PIK3CA: variants seen among roughly 807,000 people sequenced by gnomAD.
PIK3CA encodes the protein phosphatidylinositol 4,5-bisphosphate 3-kinase catalytic subunit alpha isoform.
Under a neutral mutation model 138.2 loss-of-function variants are expected in PIK3CA, and 27 were observed. The observed-to-expected ratio is 0.20, with a 90% CI of 0.14 to 0.27. The LOEUF is 0.27. Among genes scored for constraint, PIK3CA ranks in the 10% least tolerant of loss-of-function variants. The pLI is 1.00. For synonymous variants in PIK3CA, 358 were observed against 413.2 expected, an observed-to-expected ratio of 0.87 and a Z score of 1.62; for missense variants, 544 against 1,277.4, an observed-to-expected ratio of 0.43 and a Z score of 8.75.
intron 20 of PIK3CA, among the ~76,000 whole-genome samples, chr3:179,232,424 G>C (rs1576949123): frequency 6.6e-6 from 1 of 152,120 alleles, no homozygotes; most frequent in African/African-American, 2.4e-5. Flanking sequence ...GTAAGTTTTT[G>C]GCTTTATTTC....
intron 1 of PIK3CA, among the ~76,000 whole-genome samples, chr3:179,197,214 T>C (rs562849204): frequency 6.6e-6 from 1 of 152,120 alleles, no homozygotes; most frequent in South Asian, 2.1e-4. Context: ...AACTTTTGTA[T>C]TTTTAGTAGA....
At chr3:179,148,878 G>A (rs935329740) in intron 1 of PIK3CA, among the ~76,000 whole-genome samples, 2 of 152,122 alleles carry the variant, frequency 1.3e-5, no homozygotes, top group South Asian at 4.1e-4. Flanking sequence ...CCAGTTTTGG[G>A]GACGGGGCGG....
chr3:179,201,303 G>A lies in PIK3CA; in HGVS notation c.576G>A (p.Val192=), dbSNP rs202158911. The A allele has an allele frequency of 1.2e-6, 2 of 1,612,298 alleles. No individual in the cohort carries two copies. The highest frequency in any genetic ancestry group is 1.1e-5 in the South Asian group (1 of 90,958). ...YNKLDKGQII[V]VIWVIVSPNN... Reference sequence around the variant, plus strand: ...TTCCTGTTATAGGGCAAATAATAGTGGTGATCTGGGTAATAGTTTCTCCAA... The same window carrying A: ...TTCCTGTTATAGGGCAAATAATAGTAGTGATCTGGGTAATAGTTTCTCCAA... The change falls in exon 4 of 21, where the codon GTG becomes GTA. Residue 192 remains valine (V), a synonymous_variant. Coordinates refer to ENST00000263967, the MANE Select transcript of PIK3CA (RefSeq NM_006218.4).
chr3:179,149,544 T>G (rs1722955147), intron 1 of PIK3CA: 2 of 152,160 alleles, frequency 1.3e-5, no homozygotes, highest in South Asian at 4.1e-4. Flanking sequence ...AACAAGAGGG[T>G]CTTTCTAGAA....
chr3:179,151,413 C>T (rs1306695563), intron 1 of PIK3CA, among the ~76,000 whole-genome samples: 1 of 152,192 alleles, frequency 6.6e-6, no homozygotes, highest in East Asian at 1.9e-4. Flanking sequence ...TCTCCATTTC[C>T]TATATTTGCA....
intron 1 of PIK3CA, among the ~76,000 whole-genome samples, chr3:179,162,918 A>C (rs759314124): frequency 5.3e-5 from 8 of 152,186 alleles, no homozygotes; most frequent in Non-Finnish European, 1.2e-4. Context: ...AGAAACTATA[A>C]ACAGATAAAA....
At chr3:179,206,918 CAAAA>C (rs538878817) in intron 6 of PIK3CA, among the ~76,000 whole-genome samples, 37 of 58,368 alleles carry the variant, frequency 6.3e-4, no homozygotes, top group African/African-American at 2.1e-3. Flanking sequence ...GACCCCGACT[CAAAA>C]AAAAAAAAAA....
rs1560147074 is a variant in PIK3CA, at chr3:179,224,112, G to A, written c.2219G>A (p.Arg740Lys). Reference sequence around the variant, plus strand: ...ATGAAGTTTTTAGTTGAGCAAATGAGGCGACCAGATTTCATGGATGCTCTA... The same window carrying A: ...ATGAAGTTTTTAGTTGAGCAAATGAAGCGACCAGATTTCATGGATGCTCTA... Reference protein sequence around the residue: ...VQMKFLVEQMRRPDFMDALQG... With the variant: ...VQMKFLVEQMKRPDFMDALQG... The change falls in exon 15 of 21, where the codon AGG becomes AAG. Residue 740 changes from arginine (R) to lysine (K), a missense_variant. By Grantham distance (26) the Arg-to-Lys change is conservative (BLOSUM62 2). Around this residue, in one of 14 missense-constraint regions of PIK3CA, gnomAD observed 35 missense variants for 49.4 expected, o/e 0.71. Coordinates refer to ENST00000263967, the MANE Select transcript of PIK3CA (RefSeq NM_006218.4). The A allele has an allele frequency of 6.2e-7, 1 of 1,606,970 alleles. No individual in the cohort carries two copies.
intron 17 of PIK3CA, among the ~76,000 whole-genome samples, chr3:179,228,580 A>AATTT (rs1484856511): frequency 2.6e-5 from 4 of 151,982 alleles, no homozygotes; most frequent in Admixed American, 2.0e-4. Flanking sequence ...TTCTTTTTAT[A>AATTT]CTTTAATTAA....
chr3:179,154,606 T>A (rs1049195312), intron 1 of PIK3CA, among the ~76,000 whole-genome samples: 1 of 152,222 alleles, frequency 6.6e-6, no homozygotes, highest in African/African-American at 2.4e-5. Context: ...GGGGGACAGA[T>A]TGTAACACAT....
intron 1 of PIK3CA, among the ~76,000 whole-genome samples, chr3:179,174,342 G>A (rs1723641544): frequency 7.2e-6 from 1 of 138,160 alleles, no homozygotes; most frequent in South Asian, 2.1e-4. Context: ...ATGGTGGCAA[G>A]CACCTGTAAT....
At chr3:179,148,795 T>A (rs1292410711) in intron 1 of PIK3CA, among the ~76,000 whole-genome samples, 192 bp downstream of exon 1, 1 of 152,152 alleles carries the variant, frequency 6.6e-6, no homozygotes, top group African/African-American at 2.4e-5. Flanking sequence ...CTCTCCTAGC[T>A]GCAGAGGCGA....
At chr3:179,175,758 G>T (rs1035521887) in intron 1 of PIK3CA, among the ~76,000 whole-genome samples, 1 of 146,266 alleles carries the variant, frequency 6.8e-6, no homozygotes, top group African/African-American at 2.5e-5. Context: ...TGGTTCCTCT[G>T]CATAAGGATG....
intron 1 of PIK3CA, among the ~76,000 whole-genome samples, chr3:179,152,005 T>G (rs767084984): frequency 1.8e-4 from 28 of 152,188 alleles, no homozygotes; most frequent in Non-Finnish European, 3.4e-4. Flanking sequence ...TACAGTAGTA[T>G]TCTTATTGCC....
chr3:179,205,007 C>T (rs1037446477), intron 6 of PIK3CA, among the ~76,000 whole-genome samples: 5 of 107,602 alleles, frequency 4.6e-5, no homozygotes, highest in Non-Finnish European at 8.6e-5. Context: ...GGCAACAGAG[C>T]GAGACTCCGT....
At chr3:179,196,558 A>C (rs1353505342) in intron 1 of PIK3CA, among the ~76,000 whole-genome samples, 1 of 152,248 alleles carries the variant, frequency 6.6e-6, no homozygotes, top group African/African-American at 2.4e-5. Flanking sequence ...AGTTTCAACT[A>C]TCAAAAAATA....
chr3:179,181,325 G>GAT (rs1213346066), intron 1 of PIK3CA, among the ~76,000 whole-genome samples: 2 of 151,940 alleles, frequency 1.3e-5, no homozygotes, highest in Non-Finnish European at 2.9e-5. Context: ...TAGGGATAAT[G>GAT]ACTCATGCTG....
chr3:179,205,080 C>T (rs951549300), intron 6 of PIK3CA, among the ~76,000 whole-genome samples: 1 of 147,218 alleles, frequency 6.8e-6, no homozygotes, highest in African/African-American at 2.5e-5. Flanking sequence ...GTGGCATGTG[C>T]CTGTAGTCCC....
intron 9 of PIK3CA, among the ~76,000 whole-genome samples, chr3:179,214,761 C>T (rs957786636): frequency 4.3e-5 from 6 of 140,144 alleles, no homozygotes; most frequent in Non-Finnish European, 7.6e-5. Flanking sequence ...GGTACACCTG[C>T]ACAAATATAT....
Sources: allele counts gnomAD v4.1 joint callset (sites outside exome capture counted in the v4.1 genomes callset), GRCh38; gene constraint gnomAD v4.1.1; regional missense constraint gnomAD v4.1.1; transcripts MANE v1.5; gene names NCBI Gene and HGNC (gene_info 2026-07-23, HGNC 2026-07-21).